Variants in NSMCE2 observed in about 807,000 individuals in gnomAD.
The protein encoded by NSMCE2 is E3 SUMO-protein ligase NSE2.
In NSMCE2, 24 loss-of-function variants were observed where a neutral mutation model predicts 23.8. The observed-to-expected ratio is 1.01, with a 90% CI of 0.73 to 1.42. The LOEUF (loss-of-function observed/expected upper bound fraction) is 1.42, where lower values mean the gene tolerates loss of function less well. NSMCE2 is among the 40% of genes most tolerant of loss of function. The probability of loss-of-function intolerance (pLI) is 0.00; values close to 1 mark genes in which losing one functional copy is unlikely to be tolerated. For synonymous variants in NSMCE2, 92 were observed against 94.1 expected, an observed-to-expected ratio of 0.98 and a Z score of 0.13; for missense variants, 284 against 296.5, an observed-to-expected ratio of 0.96 and a Z score of 0.31.
chr8:125,128,019 A>G (rs1469157574), intron 3 of NSMCE2, among the ~76,000 whole-genome samples: 1 of 152,112 alleles, frequency 6.6e-6, no homozygotes, highest in Non-Finnish European at 1.5e-5. Flanking sequence ...AAGATTTTGG[A>G]TTTTTGAATT....
intron 5 of NSMCE2, among the ~76,000 whole-genome samples, chr8:125,332,384 A>G (rs1283878017): frequency 6.6e-6 from 1 of 152,224 alleles, no homozygotes; most frequent in Middle Eastern, 3.2e-3. Flanking sequence ...TGTATGGTTT[A>G]TGGAGTGAAA....
chr8:125,242,648 A>G (rs1457910394), intron 5 of NSMCE2, among the ~76,000 whole-genome samples: 1 of 152,212 alleles, frequency 6.6e-6, no homozygotes, highest in Admixed American at 6.5e-5. Flanking sequence ...CCTTCAGCTT[A>G]CAACAGCAGG....
At chr8:125,167,588 TCGTG>T (rs1180301418) in intron 4 of NSMCE2, among the ~76,000 whole-genome samples, 1 of 151,570 alleles carries the variant, frequency 6.6e-6, no homozygotes, top group Admixed American at 6.6e-5. Context: ...TGAGCTGAGA[TCGTG>T]CTACTGCACT....
chr8:125,251,097 T>G (rs1826182486), intron 5 of NSMCE2, among the ~76,000 whole-genome samples: 1 of 152,184 alleles, frequency 6.6e-6, no homozygotes, highest in Non-Finnish European at 1.5e-5. Flanking sequence ...ATGTGTGTGT[T>G]TAAAATTTCT....
chr8:125,321,172 T>C (rs1208481332), intron 5 of NSMCE2, among the ~76,000 whole-genome samples: 1 of 151,494 alleles, frequency 6.6e-6, no homozygotes, highest in African/African-American at 2.4e-5. Context: ...ATCCAAACCA[T>C]ATCAGATACC....
intron 5 of NSMCE2, among the ~76,000 whole-genome samples, chr8:125,331,127 C>G (rs1829860821): frequency 6.6e-6 from 1 of 152,056 alleles, no homozygotes; most frequent in Non-Finnish European, 1.5e-5. Context: ...TGGTGAAACC[C>G]CGTCTCTACT....
At chr8:125,114,874 G>A (rs1420614242) in intron 3 of NSMCE2, among the ~76,000 whole-genome samples, 2 of 152,200 alleles carry the variant, frequency 1.3e-5, no homozygotes, top group African/African-American at 4.8e-5. Context: ...AATACTAAGG[G>A]TTCTTTAGGT....
intron 3 of NSMCE2, among the ~76,000 whole-genome samples, chr8:125,114,768 T>TACATACATACATATAC (rs1818916306): frequency 6.6e-6 from 1 of 152,216 alleles, no homozygotes; most frequent in African/African-American, 2.4e-5. Flanking sequence ...AATGTATGCA[T>TACATACATACATATAC]ACATACATAC....
At position 125,173,368 on chromosome 8, in the gene NSMCE2, G is replaced by A. The variant is rs115092875; in HGVS notation, c.265-8735G>A. 6.6e-3 allele frequency among the ~76,000 whole-genome samples: 1,009 copies of A among 152,262 alleles called. 8 individuals are homozygous for A. The highest frequency in any genetic ancestry group is 0.023 in the African/African-American group (975 of 41,528). On this transcript the variant is annotated intron_variant, in intron 4 of 7. Coordinates refer to ENST00000287437, the MANE Select transcript of NSMCE2 (RefSeq NM_173685.4). Reference sequence around the variant, plus strand: ...TAACTAATTCTGCTTCTGTCCCTTGGTTACTGGGCCCTGTATTATGGCTGT... The same window carrying A: ...TAACTAATTCTGCTTCTGTCCCTTGATTACTGGGCCCTGTATTATGGCTGT...
intron 4 of NSMCE2, among the ~76,000 whole-genome samples, chr8:125,176,984 G>A (rs192482079): frequency 4.6e-5 from 7 of 152,284 alleles, no homozygotes; most frequent in Non-Finnish European, 1.0e-4. Flanking sequence ...CAATTGACAT[G>A]CTTTCCCAGC....
At chr8:125,243,069 G>A (rs1336468839) in intron 5 of NSMCE2, among the ~76,000 whole-genome samples, 1 of 152,184 alleles carries the variant, frequency 6.6e-6, no homozygotes, top group African/African-American at 2.4e-5. Context: ...ACATGGAAAT[G>A]TCTGTGCCAG....
intron 5 of NSMCE2, among the ~76,000 whole-genome samples, chr8:125,205,928 A>G (rs983593983): frequency 1.3e-5 from 2 of 152,202 alleles, no homozygotes; most frequent in Non-Finnish European, 2.9e-5. Context: ...TCTTTAATAT[A>G]TTGTCCTGGT....
intron 5 of NSMCE2, among the ~76,000 whole-genome samples, chr8:125,340,181 ATTT>A (rs943013393): frequency 6.7e-6 from 1 of 148,296 alleles, no homozygotes; most frequent in Non-Finnish European, 1.5e-5. Flanking sequence ...CGCCCGGCTA[ATTT>A]TTTTTTTGTA....
chr8:125,215,177 G>T (rs1295986505), intron 5 of NSMCE2, among the ~76,000 whole-genome samples: 1 of 149,010 alleles, frequency 6.7e-6, no homozygotes, highest in Non-Finnish European at 1.5e-5. Flanking sequence ...ATCTCCCAGT[G>T]CTATCCCTCC....
intron 5 of NSMCE2, among the ~76,000 whole-genome samples, chr8:125,284,081 G>C (rs1248491761): frequency 6.6e-6 from 1 of 151,174 alleles, no homozygotes; most frequent in Non-Finnish European, 1.5e-5. Flanking sequence ...GTGAACCTGG[G>C]AAGCAGAGCT....
intron 5 of NSMCE2, chr8:125,348,849 A>G (rs977765555): frequency 6.6e-6 from 1 of 152,150 alleles, no homozygotes; most frequent in Non-Finnish European, 1.5e-5. Context: ...CAGCACGAGA[A>G]CGGACTAATA....
intron 7 of NSMCE2, among the ~76,000 whole-genome samples, chr8:125,365,134 T>A (rs540775141): frequency 6.6e-6 from 1 of 151,904 alleles, no homozygotes; most frequent in East Asian, 1.9e-4. Flanking sequence ...CCACTCAGTC[T>A]CTCTTCTAGG....
chr8:125,252,199 G>A (rs550642671), intron 5 of NSMCE2, among the ~76,000 whole-genome samples: 276 of 152,236 alleles, frequency 1.8e-3, no homozygotes, highest in African/African-American at 5.7e-3. Flanking sequence ...ACTGGAAAGG[G>A]ATGACAGAAA....
chr8:125,237,604 T>G (rs1825614304), intron 5 of NSMCE2, among the ~76,000 whole-genome samples: 2 of 152,194 alleles, frequency 1.3e-5, no homozygotes, highest in South Asian at 4.1e-4. Context: ...GCTGATAGAG[T>G]AATTCAGTTA....
Sources: gnomAD v4.1 joint callset for allele counts (sites outside exome capture counted in the v4.1 genomes callset) on GRCh38, gnomAD v4.1.1 for gene constraint, MANE v1.5 for transcripts, NCBI Gene and HGNC (gene_info 2026-07-23, HGNC 2026-07-21) for gene names.